The following NHSL2 variants were observed in gnomAD, a reference collection of about 807,000 sequenced individuals.
The protein encoded by NHSL2 is NHS-like protein 2.
NHSL2 carries 27 observed loss-of-function variants against 53.4 expected under a neutral mutation model. The observed-to-expected ratio is 0.51, with a 90% CI of 0.37 to 0.70. NHSL2 has a LOEUF of 0.70. Among genes scored for constraint, NHSL2 ranks in the 30% least tolerant of loss-of-function variants. The probability of loss-of-function intolerance (pLI) is 0.00; values close to 1 mark genes in which losing one functional copy is unlikely to be tolerated. For missense variants in NHSL2, 892 were observed against 980.1 expected (o/e 0.91, Z 1.20); for synonymous variants, 408 against 404.1 (o/e 1.01, Z -0.12).
chrX:71,941,519 C>T (rs1324826431), intron 1 of NHSL2, among the ~76,000 whole-genome samples: 1 of 111,751 alleles, frequency 8.9e-6, no homozygotes, highest in Non-Finnish European at 1.9e-5. Context: ...ATTTACTTCA[C>T]CTCTCTGATC....
At chrX:72,019,848 T>A (rs1352531067) in intron 1 of NHSL2, among the ~76,000 whole-genome samples, 1 of 112,065 alleles carries the variant, frequency 8.9e-6, no homozygotes, top group Non-Finnish European at 1.9e-5. Context: ...ATTCAACAAA[T>A]GAATCCAGTT....
chrX:71,977,148 G>A (rs183720346), intron 1 of NHSL2, among the ~76,000 whole-genome samples: 1 of 111,839 alleles, frequency 8.9e-6, no homozygotes, highest in East Asian at 2.8e-4. Flanking sequence ...ATAGCAGTTA[G>A]GTGCCCCAGA....
Position 71,911,185 on chromosome X carries a change from C to A in NHSL2, c.98C>A (p.Ala33Glu). ...AELRDVSHLA[A>E]LSLLRQLADL... Reference sequence around the variant, plus strand: ...CTCCGCGACGTGAGCCACCTGGCAGCGCTCAGCCTGCTCCGGCAGCTCGCC... The same window carrying A: ...CTCCGCGACGTGAGCCACCTGGCAGAGCTCAGCCTGCTCCGGCAGCTCGCC... Residue 33 changes from alanine to glutamate, a missense_variant, in exon 1 of 8, where the codon GCG (alanine) becomes GAG (glutamate). Coordinates refer to ENST00000633930, the MANE Select transcript of NHSL2 (RefSeq NM_001013627.3). The A allele has an allele frequency of 8.7e-7, 1 of 1,144,076 alleles. No homozygotes were observed. Among genetic ancestry groups the A allele is most frequent in the Non-Finnish European group, 1.2e-6 (1 of 866,997 alleles). 94.3% of individuals were successfully genotyped at this position (1,144,076 alleles called of 1,213,427 possible).
At chrX:72,022,358 AC>A (rs1185741570) in intron 1 of NHSL2, among the ~76,000 whole-genome samples, 1 of 112,030 alleles carries the variant, frequency 8.9e-6, no homozygotes, top group Non-Finnish European at 1.9e-5. Context: ...TAATGTCTCA[AC>A]CCATTTGGGC....
intron 1 of NHSL2, among the ~76,000 whole-genome samples, chrX:72,111,198 G>A (rs2042090134): frequency 2.7e-5 from 3 of 112,418 alleles, no homozygotes; most frequent in African/African-American, 9.7e-5. Context: ...ACCCTACCTG[G>A]GTGGACTTGT....
chrX:72,054,576 C>A (rs1433154969), intron 1 of NHSL2, among the ~76,000 whole-genome samples: 1 of 111,885 alleles, frequency 8.9e-6, no homozygotes, highest in African/African-American at 3.3e-5. Flanking sequence ...GATATTAACC[C>A]TTTTCTGTCC....
chrX:72,075,517 A>G (rs2041733603), intron 1 of NHSL2, among the ~76,000 whole-genome samples: 1 of 111,969 alleles, frequency 8.9e-6, no homozygotes, highest in African/African-American at 3.3e-5. Context: ...TTCGCCTTGG[A>G]TGGGAAATCA....
intron 1 of NHSL2, among the ~76,000 whole-genome samples, chrX:72,106,275 T>C (rs774544782): frequency 9.2e-6 from 1 of 108,279 alleles, no homozygotes; most frequent in Non-Finnish European, 1.9e-5. Flanking sequence ...CACACACACA[T>C]ACACACACAA....
At chrX:72,010,779 C>T (rs939731001) in intron 1 of NHSL2, among the ~76,000 whole-genome samples, 6 of 112,145 alleles carry the variant, frequency 5.4e-5, no homozygotes, top group African/African-American at 1.9e-4. Context: ...ATGTACCCTT[C>T]ACCCAGTTTT....
chrX:72,144,430 C>T lies in NHSL2; in HGVS notation c.*856C>T, dbSNP rs1335997297. ...AACAGCGATAGGCAGGATCTGCGCCCAGCTCATGCTGCATTCTAAGAACTC... is the reference window on the plus strand; with the variant it reads ...AACAGCGATAGGCAGGATCTGCGCCTAGCTCATGCTGCATTCTAAGAACTC... On this transcript the variant is annotated 3_prime_UTR_variant, in exon 8 of 8. Transcript: ENST00000633930. 2.2e-5 allele frequency: 17 copies of T among 759,348 alleles called. No individual in the cohort carries two copies. Among genetic ancestry groups the T allele is most frequent in the Non-Finnish European group, 2.8e-5 (15 of 537,635 alleles). The allele number at this position is 759,348 out of a possible 1,213,427, so 62.6% of individuals were successfully genotyped here.
chrX:72,023,682 G>A (rs183147762), intron 1 of NHSL2, among the ~76,000 whole-genome samples: 2 of 112,118 alleles, frequency 1.8e-5, no homozygotes, highest in Non-Finnish European at 1.9e-5. Context: ...AGGATGTGGA[G>A]TGGGGTGGTG....
intron 1 of NHSL2, among the ~76,000 whole-genome samples, chrX:71,941,877 AG>A: frequency 9.0e-6 from 1 of 111,543 alleles, no homozygotes; most frequent in African/African-American, 3.3e-5. Context: ...TGGGCTCTAA[AG>A]GCCCAAAGCC....
chrX:72,087,174 C>CA (rs1289328687), intron 1 of NHSL2, among the ~76,000 whole-genome samples: 6 of 111,890 alleles, frequency 5.4e-5, no homozygotes, highest in Non-Finnish European at 7.5e-5. Flanking sequence ...ATTATACAAC[C>CA]AAAAAAAGGA....
chrX:71,929,325 T>C lies in NHSL2; in HGVS notation c.280+17958T>C, dbSNP rs1009187236. On this transcript the variant is annotated intron_variant, in intron 1 of 7. Coordinates refer to ENST00000633930, the MANE Select transcript of NHSL2 (RefSeq NM_001013627.3). ...GCGCTGGGTCTTATAATTACCAAAATATTGAATGAGTGAAATTTCAAGATA... is the reference window on the plus strand; with the variant it reads ...GCGCTGGGTCTTATAATTACCAAAACATTGAATGAGTGAAATTTCAAGATA... Among the ~76,000 whole-genome samples, 18 of 112,569 alleles carry C rather than the reference T, an allele frequency of 1.6e-4. No individual in the cohort carries two copies. The Admixed American group carries it at 1.7e-3, about 11-fold the overall frequency.
At chrX:72,130,650 C>G (rs188083554) in intron 1 of NHSL2, 1 of 1,211,760 alleles carries the variant, frequency 8.3e-7, no homozygotes, top group Middle Eastern at 2.3e-4. Flanking sequence ...TCAGCTCATC[C>G]AGGTCGGCCA....
At position 72,072,483 on chromosome X, in the gene NHSL2, A is replaced by G. The variant is rs1029150914; in HGVS notation, c.281-59596A>G. On this transcript the variant is annotated intron_variant, in intron 1 of 7. Transcript: ENST00000633930. Reference sequence around the variant, plus strand: ...TACTTCTCCAGCCTCACCAGCTATCATTTCTCACCTTGAACTTGATCCAGC... The same window carrying G: ...TACTTCTCCAGCCTCACCAGCTATCGTTTCTCACCTTGAACTTGATCCAGC... Among the ~76,000 whole-genome samples, 5 of 111,675 alleles carry G rather than the reference A, an allele frequency of 4.5e-5. No individual in the cohort carries two copies. The Admixed American group carries it at 4.7e-4, about 11-fold the overall frequency.
At chrX:72,068,680 G>C (rs779251062) in intron 1 of NHSL2, among the ~76,000 whole-genome samples, 174 of 7,803 alleles carry the variant, frequency 0.022, no homozygotes, top group African/African-American at 0.029. Flanking sequence ...GTGTGTGAGA[G>C]AGAGAGAGAG....
chrX:72,052,014 C>A (rs769001458), intron 1 of NHSL2, among the ~76,000 whole-genome samples: 1 of 112,545 alleles, frequency 8.9e-6, no homozygotes, highest in East Asian at 2.8e-4. Flanking sequence ...TTTATCCCAG[C>A]AGCTTATACA....
chrX:72,062,886 C>G (rs762052710), intron 1 of NHSL2, among the ~76,000 whole-genome samples: 5 of 112,078 alleles, frequency 4.5e-5, no homozygotes, highest in Non-Finnish European at 7.5e-5. Context: ...TGACTAATAT[C>G]AGTGCATAGG....
Sources: gnomAD v4.1 joint callset for allele counts (sites outside exome capture counted in the v4.1 genomes callset) on GRCh38, gnomAD v4.1.1 for gene constraint, MANE v1.5 for transcripts, NCBI Gene and HGNC (gene_info 2026-07-23, HGNC 2026-07-21) for gene names.